The following RNF169 variants were observed in gnomAD, a reference collection of about 807,000 sequenced individuals.
RNF169 encodes the protein ring finger protein 169.
Under a neutral mutation model 53.9 loss-of-function variants are expected in RNF169, and 24 were observed. The observed-to-expected ratio is 0.45, with a 90% confidence interval of 0.32 to 0.63. The LOEUF is 0.63. RNF169 is among the 20% of genes least tolerant of loss of function. The pLI, the probability that RNF169 is intolerant of heterozygous loss-of-function variation, is 0.04. For missense variants in RNF169, 883 were observed against 906.2 expected (o/e 0.97, Z 0.33); for synonymous variants, 396 against 363.5 (o/e 1.09, Z -1.02).
rs2034839992 is a variant in RNF169 at position 74,749,048 on chromosome 11, G to C, written c.168G>C (p.Gln56His). 6.8e-7 allele frequency: 1 copy of C among 1,465,288 alleles called. No individual in the cohort carries two copies. The highest frequency in any genetic ancestry group is 9.0e-7 in the Non-Finnish European group (1 of 1,107,482). 90.8% of individuals were successfully genotyped at this position (1,465,288 alleles called of 1,614,324 possible). A position where few individuals can be genotyped will look rare whatever the true frequency, so the allele number is the denominator to read the frequency against. ...TGGTGTTGTCGCCGCCGTTGCTGCA[G>C]CCGCCGCTGCCGCCGCGGCCGGAGG... ...SLLVLSPPLL[Q>H]PPLPPRPEES... is the part of the protein sequence containing the mutation. The change falls in exon 1 of 6, where the codon CAG becomes CAC. Residue 56 changes from glutamine (Q) to histidine (H), a missense_variant. By Grantham distance (24) the Gln-to-His change is conservative. Around this residue, in one of 3 missense-constraint regions of RNF169, gnomAD observed 313 missense variants for 279.9 expected, o/e 1.12. Transcript: ENST00000299563.
chr11:74,753,614 T>C (rs1173459576), intron 1 of RNF169, among the ~76,000 whole-genome samples: 10 of 152,204 alleles, frequency 6.6e-5, no homozygotes. Flanking sequence ...ATATATTGCT[T>C]AGTTGTATTC....
chr11:74,759,967 G>A (rs1386023789), intron 1 of RNF169, among the ~76,000 whole-genome samples: 1 of 150,854 alleles, frequency 6.6e-6, no homozygotes, highest in Non-Finnish European at 1.5e-5. Context: ...GTAAACTATT[G>A]ATTATTGCCA....
intron 2 of RNF169, among the ~76,000 whole-genome samples, chr11:74,797,897 C>T (rs1026034307): frequency 1.3e-5 from 2 of 152,128 alleles, no homozygotes; most frequent in Admixed American, 1.3e-4. Context: ...TTATTAGTTC[C>T]CCAAATTAAT....
chr11:74,826,339 T>C (rs2036096964), intron 4 of RNF169, among the ~76,000 whole-genome samples: 1 of 151,824 alleles, frequency 6.6e-6, no homozygotes, highest in Non-Finnish European at 1.5e-5. Context: ...AATAAGTAAA[T>C]AAATGAAACC....
rs564704172 is a variant in RNF169, at chr11:74,753,117, C to T, written c.502+3735C>T. The stretch of plus-strand genomic sequence containing the variant: ...CCGAGTAGCTGGGATTACAGGTGTG[C>T]GCCACCACGCCCGGCTAATTTTGTA... On this transcript the variant is annotated intron_variant, in intron 1 of 5. Coordinates refer to ENST00000299563, the MANE Select transcript of RNF169 (RefSeq NM_001098638.2). Among the ~76,000 whole-genome samples the T allele has an allele frequency of 3.6e-4, 55 of 152,186 alleles. No individual in the cohort carries two copies. In the South Asian group the frequency reaches 9.3e-3, roughly 26 times the overall value.
intron 4 of RNF169, among the ~76,000 whole-genome samples, chr11:74,827,328 C>T (rs1369961213): frequency 2.0e-5 from 3 of 152,216 alleles, no homozygotes; most frequent in African/African-American, 4.8e-5. Context: ...AGCAGCAAGG[C>T]CCTGGGCCCA....
At chr11:74,807,215 G>A (rs2035818383) in intron 2 of RNF169, among the ~76,000 whole-genome samples, 2 of 152,080 alleles carry the variant, frequency 1.3e-5, no homozygotes, top group Admixed American at 6.5e-5. Flanking sequence ...ACTTACTCAG[G>A]TTGTACAAGC....
intron 3 of RNF169, among the ~76,000 whole-genome samples, chr11:74,816,765 G>A (rs2035946138): frequency 6.6e-6 from 1 of 152,220 alleles, no homozygotes; most frequent in East Asian, 1.9e-4. Flanking sequence ...TTGTACTAGA[G>A]CTCAGGGAGT....
At chr11:74,773,756 A>G (rs1487136413) in intron 1 of RNF169, among the ~76,000 whole-genome samples, 2 of 152,184 alleles carry the variant, frequency 1.3e-5, no homozygotes, top group African/African-American at 4.8e-5. Context: ...GTATTCTACT[A>G]CTTAGTAGCT....
intron 4 of RNF169, chr11:74,831,981 A>G (rs2036185940): frequency 1.3e-5 from 2 of 152,226 alleles, no homozygotes; most frequent in South Asian, 4.1e-4. Context: ...ACCTCATACC[A>G]CATACAAAAA....
intron 1 of RNF169, among the ~76,000 whole-genome samples, chr11:74,785,211 ATATATATATGTTATATATAT>A (rs1565176541): frequency 1.7e-4 from 12 of 71,944 alleles, no homozygotes; most frequent in African/African-American, 8.2e-4. Context: ...TATATATATG[ATATATATATGTTATATATAT>A]TATATATATG....
chr11:74,816,792 G>C (rs1011637415), intron 3 of RNF169, among the ~76,000 whole-genome samples: 2 of 152,212 alleles, frequency 1.3e-5, no homozygotes, highest in Non-Finnish European at 2.9e-5. Context: ...TGTGGGAACT[G>C]GTAGGGGAAA....
chr11:74,836,671 C>G lies in RNF169; in HGVS notation c.2068C>G (p.Arg690Gly), dbSNP rs1416883206. The G allele has an allele frequency of 6.2e-7, 1 of 1,613,390 alleles. No homozygotes were observed. Among genetic ancestry groups the G allele is most frequent in the African/African-American group, 1.3e-5 (1 of 74,900 alleles). The change falls in exon 6 of 6, where the codon CGA (arginine) becomes GGA (glycine). Residue 690 changes from arginine (R) to glycine (G), a missense_variant. Arg to Gly is a moderately radical substitution (Grantham distance 125). Around this residue, in one of 3 missense-constraint regions of RNF169, gnomAD observed 351 missense variants for 337.3 expected, o/e 1.04. Coordinates refer to ENST00000299563, the MANE Select transcript of RNF169 (RefSeq NM_001098638.2). ...FDNERRTVSR[R>G]KGSVDQYLLR... ...CAATGAGAGGCGGACTGTGAGCCGG[C>G]GAAAAGGAAGTGTGGATCAGTATCT...
intron 1 of RNF169, among the ~76,000 whole-genome samples, chr11:74,761,734 A>T (rs1304260608): frequency 6.6e-6 from 1 of 151,722 alleles, no homozygotes; most frequent in East Asian, 1.9e-4. Flanking sequence ...GCTGCCCTTA[A>T]CATTTTTTCC....
intron 4 of RNF169, among the ~76,000 whole-genome samples, chr11:74,830,137 C>T (rs975934783): frequency 6.6e-6 from 1 of 152,062 alleles, no homozygotes; most frequent in Non-Finnish European, 1.5e-5. Flanking sequence ...ACTAAACACA[C>T]AGAGTAGACT....
chr11:74,835,499 G>A lies in RNF169; in HGVS notation c.943-47G>A, dbSNP rs773788995. The A allele has an allele frequency of 3.6e-6, 5 of 1,403,024 alleles. No individual in the cohort carries two copies. The Admixed American group carries it at 7.3e-5, about 20-fold the overall frequency. 86.9% of individuals were successfully genotyped at this position (1,403,024 alleles called of 1,614,324 possible). ...TCATAAAGGAATGATGAAGGAAAAT[G>A]TATATGTATGTGTGTATGAAGGCAT... is the stretch of plus-strand genomic sequence containing the variant. On this transcript the variant is annotated intron_variant, in intron 5 of 5. Transcript: ENST00000299563.
At chr11:74,778,034 C>T (rs2035362443) in intron 1 of RNF169, among the ~76,000 whole-genome samples, 2 of 152,188 alleles carry the variant, frequency 1.3e-5, no homozygotes, top group Admixed American at 6.5e-5. Flanking sequence ...CTCTCCTTCC[C>T]AGCCCTGTTC....
At chr11:74,798,487 C>A (rs568176502) in intron 2 of RNF169, among the ~76,000 whole-genome samples, 1 of 152,172 alleles carries the variant, frequency 6.6e-6, no homozygotes, top group African/African-American at 2.4e-5. Context: ...ATCTCAAAAC[C>A]CTGTCTCCTG....
intron 1 of RNF169, among the ~76,000 whole-genome samples, chr11:74,751,254 G>A (rs2034891245): frequency 6.6e-6 from 1 of 152,182 alleles, no homozygotes; most frequent in Non-Finnish European, 1.5e-5. Flanking sequence ...GAGGTCCAGA[G>A]AGGTTAACTA....
Sources: allele counts gnomAD v4.1 joint callset (sites outside exome capture counted in the v4.1 genomes callset), GRCh38; gene constraint gnomAD v4.1.1; regional missense constraint gnomAD v4.1.1; transcripts MANE v1.5; gene names NCBI Gene and HGNC (gene_info 2026-07-23, HGNC 2026-07-21).